DRC2: variants seen among roughly 807,000 people sequenced by gnomAD.
DRC2 encodes the protein coiled-coil domain containing 65.
chr12:48,916,138 T>C, the DRC2 span, among the ~76,000 whole-genome samples: 2 of 147,486 alleles, frequency 1.4e-5, no homozygotes, highest in South Asian at 2.2e-4. Flanking sequence ...GCAGAGGGGC[T>C]CCTCACATCC....
the DRC2 span, among the ~76,000 whole-genome samples, chr12:48,916,038 T>G: frequency 2.6e-4 from 33 of 125,084 alleles, no homozygotes; most frequent in African/African-American, 8.4e-4. Flanking sequence ...TTCCTAGATG[T>G]GATGGCGGCC....
chr12:48,905,195 C>T, the DRC2 span: 2 of 1,218,766 alleles, frequency 1.6e-6, no homozygotes, highest in Admixed American at 4.8e-5. Context: ...ATCTTAAAGC[C>T]CTCACAAGAC....
chr12:48,921,417 G>A, the DRC2 span: 11,551 of 1,610,356 alleles, frequency 7.2e-3, 51 homozygotes, highest in Non-Finnish European at 8.5e-3. Context: ...AGCCCATCCA[G>A]GTGATAAACA....
chr12:48,917,188 C>CACCT, the DRC2 span: 12 of 1,525,148 alleles, frequency 7.9e-6, no homozygotes, highest in Non-Finnish European at 1.1e-5. Flanking sequence ...CAGTGGCTCA[C>CACCT]ACCTGTAATC....
At chr12:48,905,732 C>A in the DRC2 span, among the ~76,000 whole-genome samples, 1 of 152,168 alleles carries the variant, frequency 6.6e-6, no homozygotes, top group Non-Finnish European at 1.5e-5. Flanking sequence ...TTTTAATATT[C>A]TGCCTCCATT....
At chr12:48,904,968 A>G in the DRC2 span, 4 of 1,609,070 alleles carry the variant, frequency 2.5e-6, no homozygotes, top group Non-Finnish European at 3.4e-6. Context: ...AAGGAGGAAC[A>G]CAACAGTGCT....
the DRC2 span, chr12:48,904,307 C>T: frequency 6.3e-7 from 1 of 1,599,888 alleles, no homozygotes; most frequent in Non-Finnish European, 8.5e-7. Flanking sequence ...CAGACCGAGG[C>T]TTCTTTCCCG....
chr12:48,917,268 T>C, the DRC2 span, among the ~76,000 whole-genome samples: 1,378 of 38,802 alleles, frequency 0.036, 30 homozygotes, highest in African/African-American at 0.13. Context: ...CTGGGCAACA[T>C]AGGGAGTCCC....
the DRC2 span, among the ~76,000 whole-genome samples, chr12:48,907,335 C>T: frequency 4.6e-5 from 7 of 152,288 alleles, no homozygotes; most frequent in African/African-American, 9.6e-5. Context: ...TCAAGGTCAT[C>T]GCCAAGATCT....
chr12:48,909,037 CTTTTTTTTTTT>C, the DRC2 span, among the ~76,000 whole-genome samples: 2 of 82,370 alleles, frequency 2.4e-5, no homozygotes, highest in African/African-American at 4.8e-5. Context: ...TTTTCTTTCT[CTTTTTTTTTTT>C]TTTTTTTTTT....
the DRC2 span, among the ~76,000 whole-genome samples, chr12:48,915,037 ACTT>A: frequency 7.3e-6 from 1 of 137,666 alleles, no homozygotes; most frequent in African/African-American, 2.5e-5. Context: ...TTATTGTTTT[ACTT>A]TTTTAAATAA....
chr12:48,915,114 CT>C, the DRC2 span, among the ~76,000 whole-genome samples: 44,265 of 133,640 alleles, frequency 0.33, 7,923 homozygotes, highest in Admixed American at 0.48. Flanking sequence ...CACTTTCTTT[CT>C]TTTTTTTTTT....
the DRC2 span, among the ~76,000 whole-genome samples, chr12:48,906,668 C>T: frequency 4.9e-3 from 739 of 151,938 alleles, 16 homozygotes; most frequent in East Asian, 0.044. Flanking sequence ...TGGGTTCAAG[C>T]GATTCTCCTG....
chr12:48,913,133 C>CAAA, the DRC2 span, among the ~76,000 whole-genome samples: 105 of 69,802 alleles, frequency 1.5e-3, 3 homozygotes, highest in African/African-American at 6.0e-3. Flanking sequence ...GACTCCGTCT[C>CAAA]AAAAAAAAAA....
the DRC2 span, among the ~76,000 whole-genome samples, chr12:48,913,235 T>C: frequency 6.6e-6 from 1 of 151,992 alleles, no homozygotes; most frequent in Admixed American, 6.6e-5. Context: ...TTTTCAGTGG[T>C]AGCTACATCA....
chr12:48,906,542 C>T, the DRC2 span, among the ~76,000 whole-genome samples: 1 of 152,126 alleles, frequency 6.6e-6, no homozygotes, highest in Non-Finnish European at 1.5e-5. Flanking sequence ...CCTCAGTCTC[C>T]CAAAGTGCTG....
At chr12:48,912,025 C>T in the DRC2 span, among the ~76,000 whole-genome samples, 141 of 151,910 alleles carry the variant, frequency 9.3e-4, no homozygotes, top group African/African-American at 3.4e-3. Flanking sequence ...TTTAGGAGGC[C>T]GAGGATGGCG....
At chr12:48,911,142 C>T in the DRC2 span, among the ~76,000 whole-genome samples, 172 of 152,230 alleles carry the variant, frequency 1.1e-3, no homozygotes, top group African/African-American at 3.8e-3. Context: ...AGATGCTTAG[C>T]GATGTTGTAT....
chr12:48,904,190 T>C, the DRC2 span: 1 of 1,042,444 alleles, frequency 9.6e-7, no homozygotes, highest in Non-Finnish European at 1.4e-6. Context: ...TCTCTCCTGT[T>C]CGAGGGCTGA....
Sources: allele counts gnomAD v4.1 joint callset (sites outside exome capture counted in the v4.1 genomes callset), GRCh38; gene constraint gnomAD v4.1.1; transcripts MANE v1.5; gene names NCBI Gene and HGNC (gene_info 2026-07-23, HGNC 2026-07-21).